The following HR variants were observed in gnomAD, a reference collection of about 807,000 sequenced individuals.
The protein encoded by HR is HR lysine demethylase and nuclear receptor corepressor.
In HR, 83 loss-of-function variants were observed where a neutral mutation model predicts 128.6. The observed-to-expected ratio is 0.65, with a 90% CI of 0.54 to 0.77. The LOEUF is 0.77. Among genes scored for constraint, HR ranks in the 30% least tolerant of loss-of-function variants. The probability of loss-of-function intolerance (pLI) is 0.00; values close to 1 mark genes in which losing one functional copy is unlikely to be tolerated. For missense variants in HR, 1,490 were observed against 1,574.6 expected, an observed-to-expected ratio of 0.95 and a Z score of 0.91; for synonymous variants, 681 against 658.2, an observed-to-expected ratio of 1.03 and a Z score of -0.53.
chr8:22,120,858 C>G lies in HR; in HGVS notation c.2468G>C (p.Gly823Ala), dbSNP rs767783198. 8.4e-6 allele frequency: 13 copies of G among 1,551,892 alleles called. No individual in the cohort carries two copies. The highest frequency in any genetic ancestry group is 8.7e-6 in the Non-Finnish European group (10 of 1,147,726). ...GGGCAGGCCCAGGCCCTTGCGCAGA[C>G]CCGGGCCAGCTCGAAGCCCCGGCCC... Reference protein sequence around the residue: ...ALGPGLRAGPGLRKGLGLPLS... With the variant: ...ALGPGLRAGPALRKGLGLPLS... Residue 823 changes from glycine (G) to alanine (A), a missense_variant, in exon 11 of 19, where the codon GGT becomes GCT. Transcript: ENST00000381418.
At chr8:22,115,786 G>A in intron 18 of HR, 24 bp from the exon 19 acceptor site, 1 of 1,612,510 alleles carries the variant, frequency 6.2e-7, no homozygotes, top group Non-Finnish European at 8.5e-7. Context: ...AGAGGACAAA[G>A]CATTTTCAAC....
Position 22,116,192 on chromosome 8 carries a change from C to T in HR, c.3507+108G>A. The T allele has an allele frequency of 6.7e-7, 1 of 1,502,772 alleles. No homozygotes were observed. The highest frequency in any genetic ancestry group is 9.2e-7 in the Non-Finnish European group (1 of 1,085,490). The allele number at this position is 1,502,772 out of a possible 1,614,324, so 93.1% of individuals were successfully genotyped here. A position where few individuals can be genotyped will look rare whatever the true frequency, so the allele number is the denominator to read the frequency against. On this transcript the variant is annotated intron_variant, in intron 18 of 18. Transcript: ENST00000381418. This position sits in a 1 kb window ranked among gnomAD's most constrained non-coding sequence, Gnocchi z 4.2. ...AATACTCTGCCCCTGCACAGGGTGGCTGCCTGCTTGGCACAGGGTGGGATC... is the reference window on the plus strand; with the variant it reads ...AATACTCTGCCCCTGCACAGGGTGGTTGCCTGCTTGGCACAGGGTGGGATC...
rs146855847 is a variant in HR at position 22,117,037 on chromosome 8, C to T, written c.3216G>A (p.Val1072=). 1.1e-3 allele frequency: 1,707 copies of T among 1,499,792 alleles called. 21 individuals are homozygous for T. The African/African-American group carries it at 0.021, about 18-fold the overall frequency. 92.9% of individuals were successfully genotyped at this position (1,499,792 alleles called of 1,614,324 possible). A position where few individuals can be genotyped will look rare whatever the true frequency, so the allele number is the denominator to read the frequency against. The part of the protein sequence containing the change: ...AQRIRRFLQM[V]CPAGAGALEP... Reference sequence around the variant, plus strand: ...CCAGGGCGCCTGCCCCGGCCGGGCACACCTCAAAGAAGAGAAGGGGGAATG... The same window carrying T: ...CCAGGGCGCCTGCCCCGGCCGGGCATACCTCAAAGAAGAGAAGGGGGAATG... Residue 1072 remains valine (V), a splice_region_variant and synonymous_variant, in exon 17 of 19, where the codon GTG becomes GTA. Coordinates refer to ENST00000381418, the MANE Select transcript of HR (RefSeq NM_005144.5).
chr8:22,125,485 G>C lies in HR; in HGVS notation c.1576C>G (p.Leu526Val). 6.2e-7 allele frequency: 1 copy of C among 1,613,456 alleles called. No individual in the cohort carries two copies. The highest frequency in any genetic ancestry group is 8.5e-7 in the Non-Finnish European group (1 of 1,179,980). Residue 526 changes from leucine to valine, a missense_variant, in exon 5 of 19, where the codon CTG becomes GTG. Physicochemically the swap from Leu to Val is conservative, Grantham distance 32. This residue lies in a region of HR where 1,060 missense variants were observed against 1,060.9 expected (regional missense o/e 1.00). Coordinates refer to ENST00000381418, the MANE Select transcript of HR (RefSeq NM_005144.5). ...QVRRSPLGGE[L>V]QQEEDTATNS... ...GTGGCTGTGTCTTCCTCCTGCTGCA[G>C]CTCCCCTCCCAGAGGCGATCTGGAG...
At chr8:22,122,709 G>C (rs1426892038) in intron 7 of HR, 81 bp downstream of exon 7, 16 of 1,480,318 alleles carry the variant, frequency 1.1e-5, no homozygotes, top group African/African-American at 1.4e-5. Context: ...GCATGGCACT[G>C]GGGGGAGGGA....
chr8:22,129,071 C>A lies in HR; in HGVS notation c.100G>T (p.Asp34Tyr). The change falls in exon 2 of 19, where the codon GAT (aspartate) becomes TAT (tyrosine). Residue 34 changes from aspartate to tyrosine, a missense_variant. Transcript: ENST00000381418. ...CACAGCGGCCCATGGTGCAGTCCATCTCGAGGCGGGCTGCCGGGCTCCTGT... is the reference window on the plus strand; with the variant it reads ...CACAGCGGCCCATGGTGCAGTCCATATCGAGGCGGGCTGCCGGGCTCCTGT... ...VRQEPGSPPR[D>Y]GLHHGPLCLG... The A allele has an allele frequency of 6.3e-7, 1 of 1,581,222 alleles. No individual in the cohort carries two copies. The highest frequency in any genetic ancestry group is 1.4e-5 in the African/African-American group (1 of 73,952).
chr8:22,115,586 T>C lies in HR; in HGVS notation c.*114A>G. On this transcript the variant is annotated 3_prime_UTR_variant, in exon 19 of 19. Coordinates refer to ENST00000381418, the MANE Select transcript of HR (RefSeq NM_005144.5). ...CTGCTTGTGCCCAGAGTGGTGCTTG[T>C]GGGGTTGACCAGAAATCCCCAAGTC... The C allele has an allele frequency of 1.1e-6, 1 of 907,440 alleles. No individual in the cohort carries two copies. Among genetic ancestry groups the C allele is most frequent in the Non-Finnish European group, 1.8e-6 (1 of 555,470 alleles). The allele number at this position is 907,440 out of a possible 1,614,324, so 56.2% of individuals were successfully genotyped here.
Position 22,125,488 on chromosome 8 carries a change from C to T in HR, c.1573G>A (p.Glu525Lys), listed in dbSNP as rs147884369. ...GCTGTGTCTTCCTCCTGCTGCAGCT[C>T]CCCTCCCAGAGGCGATCTGGAGAGA... ...QQVRRSPLGG[E>K]LQQEEDTATN... The change falls in exon 5 of 19, where the codon GAG (glutamate) becomes AAG (lysine). Residue 525 changes from glutamate to lysine, a missense_variant. This residue lies in a region of HR where 1,060 missense variants were observed against 1,060.9 expected (regional missense o/e 1.00). Transcript: ENST00000381418. 4 of 1,613,408 alleles carry T rather than the reference C, an allele frequency of 2.5e-6. No individual in the cohort carries two copies. The highest frequency in any genetic ancestry group is 1.7e-6 in the Non-Finnish European group (2 of 1,179,996).
At chr8:22,129,913 G>C (rs922918501) in intron 1 of HR, among the ~76,000 whole-genome samples, 2 of 152,210 alleles carry the variant, frequency 1.3e-5, no homozygotes, top group Non-Finnish European at 2.9e-5. Context: ...TAGGAACCCC[G>C]CCCTGGCCCC....
At position 22,120,851 on chromosome 8, in the gene HR, G is replaced by C. The variant is rs1168731770; in HGVS notation, c.2475C>G (p.Arg825=). The change falls in exon 11 of 19, where the codon CGC becomes CGG. Residue 825 remains arginine, a synonymous_variant. Transcript: ENST00000381418. ...GAGAGAGGGGCAGGCCCAGGCCCTT[G>C]CGCAGACCCGGGCCAGCTCGAAGCC... is the stretch of plus-strand genomic sequence containing the variant. ...GPGLRAGPGL[R]KGLGLPLSPV... 1 of 1,551,720 alleles carries C rather than the reference G, an allele frequency of 6.4e-7. No individual in the cohort carries two copies. The highest frequency in any genetic ancestry group is 8.7e-7 in the Non-Finnish European group (1 of 1,147,706).
At position 22,127,096 on chromosome 8, in the gene HR, A is replaced by G; in HGVS notation, c.1346T>C (p.Val449Ala). Residue 449 changes from valine (V) to alanine (A), a missense_variant, in exon 3 of 19, where the codon GTG (valine) becomes GCG (alanine). Transcript: ENST00000381418. ...CTTGTTCCCTATCGATGTGTCCCGC[A>G]CCTCCTGCCAACCCCCAGCCCCCTG... is the stretch of plus-strand genomic sequence containing the variant. Reference protein sequence around the residue: ...AEQGAGGWQEVRDTSIGNKDV... With the variant: ...AEQGAGGWQEARDTSIGNKDV... 1 of 1,610,190 alleles carries G rather than the reference A, an allele frequency of 6.2e-7. No individual in the cohort carries two copies. The highest frequency in any genetic ancestry group is 1.1e-5 in the South Asian group (1 of 90,874).
At position 22,116,742 on chromosome 8, in the gene HR, C is replaced by G; in HGVS notation, c.3378+133G>C. The stretch of plus-strand genomic sequence containing the variant: ...CCTCTTGGCTCCCCCGTTATCTCTT[C>G]CCCACAGCAGCGTGCGGCTCCCTGC... On this transcript the variant is annotated intron_variant, in intron 17 of 18. Coordinates refer to ENST00000381418, the MANE Select transcript of HR (RefSeq NM_005144.5). This position sits in a 1 kb window ranked among gnomAD's most constrained non-coding sequence, Gnocchi z 4.2. 1 of 1,287,276 alleles carries G rather than the reference C, an allele frequency of 7.8e-7. No homozygotes were observed. The allele number at this position is 1,287,276 out of a possible 1,614,324, so 79.7% of individuals were successfully genotyped here.
rs186997767 is a variant in HR, at chr8:22,118,341, C to T, written c.3213+609G>A. ...TGCCTCCAGCCCACCCCATCACCTT[C>T]CCCTTCCCTGGCTCCTCACCTGACC... On this transcript the variant is annotated intron_variant, in intron 16 of 18. Coordinates refer to ENST00000381418, the MANE Select transcript of HR (RefSeq NM_005144.5). 2.0e-3 allele frequency: 314 copies of T among 155,646 alleles called. 2 individuals are homozygous for T. The highest frequency in any genetic ancestry group is 0.012 in the Middle Eastern group (4 of 322). The allele number at this position is 155,646 out of a possible 1,614,324, so 9.6% of individuals were successfully genotyped here. A position where few individuals can be genotyped will look rare whatever the true frequency, so the allele number is the denominator to read the frequency against.
intron 13 of HR, 90 bp from the exon 14 acceptor site, chr8:22,119,980 G>A: frequency 2.5e-6 from 4 of 1,603,468 alleles, no homozygotes; most frequent in South Asian, 1.1e-5. Context: ...AACTCCCAGA[G>A]GGCAAACATG....
intron 9 of HR, 133 bp from the exon 10 acceptor site, chr8:22,121,361 G>T: frequency 8.2e-7 from 1 of 1,219,948 alleles, no homozygotes; most frequent in Non-Finnish European, 1.2e-6. Context: ...CCCCACCTCA[G>T]CTCTGCTCTG....
rs572712658 is a variant in HR at position 22,115,270 on chromosome 8, G to C, written c.*430C>G. The C allele has an allele frequency of 6.2e-5, 18 of 292,104 alleles. No homozygotes were observed. Among genetic ancestry groups the C allele is most frequent in the Non-Finnish European group, 1.1e-4 (16 of 149,614 alleles). 18.1% of individuals were successfully genotyped at this position (292,104 alleles called of 1,614,324 possible). On this transcript the variant is annotated 3_prime_UTR_variant, in exon 19 of 19. Transcript: ENST00000381418. ...GTTCAGCATGCCTGCAGTGAGCCCAGTGAGGATGCGGTGGTAGAAACGGAG... is the reference window on the plus strand; with the variant it reads ...GTTCAGCATGCCTGCAGTGAGCCCACTGAGGATGCGGTGGTAGAAACGGAG...
At chr8:22,123,617 T>TTGGGCCCCCC in intron 6 of HR, 32 bp downstream of exon 6, 2 of 292,090 alleles carry the variant, frequency 6.8e-6, no homozygotes, top group Non-Finnish European at 1.2e-5. Context: ...GAGGGCTCCA[T>TTGGGCCCCCC]CCCGCCCTCC....
intron 9 of HR, 47 bp from the exon 10 acceptor site, chr8:22,121,275 C>T (rs751142062): frequency 1.2e-6 from 2 of 1,601,866 alleles, no homozygotes; most frequent in Non-Finnish European, 8.5e-7. Context: ...GGTCCCTCCT[C>T]TTCCCCTCGA....
chr8:22,126,984 GC>G, intron 3 of HR, 52 bp downstream of exon 3: 1 of 1,267,126 alleles, frequency 7.9e-7, no homozygotes, highest in Non-Finnish European at 1.1e-6. Context: ...CGAAGCCCCA[GC>G]CCCGGCTGCC....
Sources: gnomAD v4.1 joint callset for allele counts (sites outside exome capture counted in the v4.1 genomes callset) on GRCh38, gnomAD v4.1.1 for gene constraint, gnomAD v4.1.1 regional missense constraint, Gnocchi (gnomAD v3.1) non-coding constraint, MANE v1.5 for transcripts, NCBI Gene and HGNC (gene_info 2026-07-23, HGNC 2026-07-21) for gene names.